Variants in B4GALT6 observed in about 807,000 individuals in gnomAD.
B4GALT6 encodes the protein beta-1,4-galactosyltransferase 6.
In B4GALT6, 14 loss-of-function variants were observed where a neutral mutation model predicts 46.3. The observed-to-expected ratio is 0.30, with a 90% CI of 0.20 to 0.47. The LOEUF (loss-of-function observed/expected upper bound fraction) is 0.47, where lower values mean the gene tolerates loss of function less well. Among genes scored for constraint, B4GALT6 ranks in the 20% least tolerant of loss-of-function variants. The pLI, the probability that B4GALT6 is intolerant of heterozygous loss-of-function variation, is 0.99. For synonymous variants in B4GALT6, 168 were observed against 162.0 expected (o/e 1.04, Z -0.28); for missense variants, 386 against 480.1 (o/e 0.80, Z 1.83).
At position 31,683,112 on chromosome 18, in the gene B4GALT6, C is replaced by A. The variant is rs147485935; in HGVS notation, c.115+1200G>T. ...AACATCATCATCTGAGTTTATACAC[C>A]TCACTGAATCCAAAAATTAATTATT... On this transcript the variant is annotated intron_variant, in intron 1 of 8. Transcript: ENST00000306851. Among the ~76,000 whole-genome samples the A allele has an allele frequency of 3.1e-4, 47 of 152,280 alleles. No homozygotes were observed. The East Asian group carries it at 8.1e-3, about 26-fold the overall frequency.
chr18:31,712,700 G>A, the B4GALT6 span, among the ~76,000 whole-genome samples: 1 of 152,114 alleles, frequency 6.6e-6, no homozygotes, highest in African/African-American at 2.4e-5. Flanking sequence ...CTAATCCTTT[G>A]GTTGTGCTCA....
intron 7 of B4GALT6, 109 bp downstream of exon 7, chr18:31,626,890 C>T: frequency 1.1e-6 from 1 of 918,994 alleles, no homozygotes; most frequent in Non-Finnish European, 1.6e-6. Context: ...AAACCTCAAA[C>T]ATATCCCATC....
the B4GALT6 span, among the ~76,000 whole-genome samples, chr18:31,698,078 A>G: frequency 4.6e-5 from 7 of 152,240 alleles, no homozygotes; most frequent in African/African-American, 1.7e-4. Flanking sequence ...CAGGGATTCT[A>G]TTTGGCATAT....
the B4GALT6 span, among the ~76,000 whole-genome samples, chr18:31,699,566 G>A: frequency 2.7e-5 from 4 of 146,130 alleles, no homozygotes; most frequent in South Asian, 2.2e-4. Flanking sequence ...GAGCCACCAC[G>A]CCCGGCCTAG....
In B4GALT6 at chr18:31,662,581, G is replaced by A. The variant is rs1253694316; in HGVS notation, c.232+3675C>T. On this transcript the variant is annotated intron_variant, in intron 2 of 8. Transcript: ENST00000306851. ...AAATTGGCTGGGCGTAGTGGCTCATGCCTGTAATCCCAGCACTTTGGGAGG... is the reference window on the plus strand; with the variant it reads ...AAATTGGCTGGGCGTAGTGGCTCATACCTGTAATCCCAGCACTTTGGGAGG... Among the ~76,000 whole-genome samples the A allele has an allele frequency of 2.0e-5, 3 of 152,186 alleles. No individual in the cohort carries two copies. The South Asian group carries it at 6.2e-4, about 32-fold the overall frequency.
At chr18:31,717,970 A>AAAG in the B4GALT6 span, among the ~76,000 whole-genome samples, 2 of 151,308 alleles carry the variant, frequency 1.3e-5, no homozygotes, top group Non-Finnish European at 2.9e-5. Flanking sequence ...AAAAAAAAAA[A>AAAG]GATATTATAT....
intron 4 of B4GALT6, among the ~76,000 whole-genome samples, chr18:31,643,761 T>C (rs1043059581): frequency 3.3e-5 from 5 of 152,230 alleles, no homozygotes; most frequent in Admixed American, 2.0e-4. Context: ...CCATCTGGTA[T>C]AGATCACTAG....
chr18:31,630,070 AAGGGGAGCGGAAGCGGGGAGGGGGAAGG>A (rs889347667), intron 6 of B4GALT6, among the ~76,000 whole-genome samples: 2 of 108,794 alleles, frequency 1.8e-5, no homozygotes, highest in East Asian at 3.1e-4. Context: ...GAGGGGGAAG[AAGGGGAGCGGAAGCGGGGAGGGGGAAGG>A]AGGGGAGCGG....
chr18:31,664,529 C>CT (rs35854175), intron 2 of B4GALT6, among the ~76,000 whole-genome samples: 33,888 of 138,002 alleles, frequency 0.25, 5,560 homozygotes, highest in African/African-American at 0.48. Flanking sequence ...AAGGATTTTC[C>CT]TTTTTTTTTT....
the B4GALT6 span, among the ~76,000 whole-genome samples, chr18:31,710,110 A>G: frequency 1.3e-5 from 2 of 150,972 alleles, no homozygotes; most frequent in Non-Finnish European, 3.0e-5. Flanking sequence ...AAAAAAAAAG[A>G]AAAGAAAAAA....
At chr18:31,673,863 AC>A (rs1468480789) in intron 1 of B4GALT6, among the ~76,000 whole-genome samples, 2 of 152,052 alleles carry the variant, frequency 1.3e-5, no homozygotes, top group Non-Finnish European at 2.9e-5. Context: ...ACCCAGGTGG[AC>A]CCTAAATCTA....
intron 3 of B4GALT6, among the ~76,000 whole-genome samples, chr18:31,657,438 T>G (rs2074154282): frequency 6.6e-6 from 1 of 152,138 alleles, no homozygotes; most frequent in Non-Finnish European, 1.5e-5. Flanking sequence ...ATAGACCAAT[T>G]TACATAATTT....
chr18:31,679,839 A>G (rs1260445755), intron 1 of B4GALT6, among the ~76,000 whole-genome samples: 1 of 152,190 alleles, frequency 6.6e-6, no homozygotes, highest in Admixed American at 6.5e-5. Context: ...CTAGAATCCA[A>G]ACCTCATGTT....
At chr18:31,673,368 G>C (rs1354992232) in intron 1 of B4GALT6, among the ~76,000 whole-genome samples, 1 of 152,172 alleles carries the variant, frequency 6.6e-6, no homozygotes, top group Non-Finnish European at 1.5e-5. Context: ...AGAAGGTTAA[G>C]AAGGCGTGGT....
intron 1 of B4GALT6, among the ~76,000 whole-genome samples, chr18:31,683,891 T>A (rs2074510182): frequency 6.6e-6 from 1 of 152,196 alleles, no homozygotes; most frequent in Non-Finnish European, 1.5e-5. Flanking sequence ...TCACATTCCC[T>A]GCTGCTGGCT....
At chr18:31,669,804 T>C in intron 1 of B4GALT6, among the ~76,000 whole-genome samples, 1 of 152,158 alleles carries the variant, frequency 6.6e-6, no homozygotes, top group Non-Finnish European at 1.5e-5. Flanking sequence ...GATTATTTAA[T>C]CCTAAAGTTA....
At chr18:31,711,366 T>A in the B4GALT6 span, among the ~76,000 whole-genome samples, 1 of 152,148 alleles carries the variant, frequency 6.6e-6, no homozygotes, top group Admixed American at 6.6e-5. Context: ...AAGTACTAAC[T>A]TCGTACCCAA....
At chr18:31,709,291 C>T in the B4GALT6 span, among the ~76,000 whole-genome samples, 2 of 151,578 alleles carry the variant, frequency 1.3e-5, no homozygotes, top group Non-Finnish European at 2.9e-5. Context: ...TCTCAAACTC[C>T]TGACCTCAAG....
chr18:31,650,854 C>T lies in B4GALT6; in HGVS notation c.347-5375G>A, dbSNP rs182206550. ...CGCCATCTCGGCTCACTACAAGCTC[C>T]GCCTCCCGGGTTCACACCATTCTCC... On this transcript the variant is annotated intron_variant, in intron 3 of 8. Transcript: ENST00000306851. Among the ~76,000 whole-genome samples, 24 of 152,236 alleles carry T rather than the reference C, an allele frequency of 1.6e-4. No homozygotes were observed. In the East Asian group the frequency reaches 2.1e-3, roughly 14 times the overall value.
Sources: allele counts gnomAD v4.1 joint callset (sites outside exome capture counted in the v4.1 genomes callset), GRCh38; gene constraint gnomAD v4.1.1; transcripts MANE v1.5; gene names NCBI Gene and HGNC (gene_info 2026-07-23, HGNC 2026-07-21).